Variants in ITPK1 observed in about 807,000 individuals in gnomAD.
ITPK1 encodes inositol-tetrakisphosphate 1-kinase, also known as inositol 1,3,4-trisphosphate 5/6-kinase.
In ITPK1, 21 loss-of-function variants were observed where a neutral mutation model predicts 45.3. The observed-to-expected ratio is 0.46, with a 90% CI of 0.33 to 0.67. The LOEUF is 0.67. ITPK1 is among the 30% of genes least tolerant of loss of function. The probability of loss-of-function intolerance (pLI) is 0.02; values close to 1 mark genes in which losing one functional copy is unlikely to be tolerated. For missense variants in ITPK1, 474 were observed against 573.5 expected, an observed-to-expected ratio of 0.83 and a Z score of 1.77; for synonymous variants, 258 against 253.6, an observed-to-expected ratio of 1.02 and a Z score of -0.16.
chr14:93,050,363 T>C (rs1232701466), intron 3 of ITPK1, among the ~76,000 whole-genome samples: 1 of 152,044 alleles, frequency 6.6e-6, no homozygotes, highest in Admixed American at 6.5e-5. Flanking sequence ...CCCCCGAATA[T>C]GTCCTGTCTA....
At chr14:93,059,828 A>C (rs1173228550) in intron 3 of ITPK1, among the ~76,000 whole-genome samples, 1 of 51,918 alleles carries the variant, frequency 1.9e-5, no homozygotes, top group Admixed American at 2.7e-4. Context: ...GCAGGGGTGG[A>C]GGGGGTGAGG....
intron 2 of ITPK1, among the ~76,000 whole-genome samples, chr14:93,090,336 T>C (rs1891818233): frequency 6.6e-6 from 1 of 151,990 alleles, no homozygotes; most frequent in African/African-American, 2.4e-5. Flanking sequence ...CCTCGCACCA[T>C]CCTCTCAGAG....
Position 93,056,359 on chromosome 14 carries a change from T to C in ITPK1, c.120+20236A>G, listed in dbSNP as rs537342959. Among the ~76,000 whole-genome samples, 637 of 152,282 alleles carry C rather than the reference T, an allele frequency of 4.2e-3. 2 individuals carry two copies. Among genetic ancestry groups the C allele is most frequent in the African/African-American group, 0.014 (580 of 41,558 alleles). On this transcript the variant is annotated intron_variant, in intron 3 of 10. Transcript: ENST00000267615. ...TGTGAGGGCTTCTGCAGCTTACCCA[T>C]GCTGAGAAGGTGCCTGAAAGCTTGG...
intron 3 of ITPK1, among the ~76,000 whole-genome samples, chr14:93,026,505 T>C (rs1220625663): frequency 6.6e-6 from 1 of 152,196 alleles, no homozygotes; most frequent in African/African-American, 2.4e-5. Flanking sequence ...TAACAGACTG[T>C]ATCGGCCAGG....
intron 5 of ITPK1, among the ~76,000 whole-genome samples, chr14:92,982,295 T>C (rs748949876): frequency 1.2e-4 from 18 of 152,216 alleles, no homozygotes; most frequent in Non-Finnish European, 5.9e-5. Flanking sequence ...TTCTGTTGCA[T>C]TGCTGCCCTC....
intron 2 of ITPK1, among the ~76,000 whole-genome samples, chr14:93,079,423 G>A (rs138851068): frequency 1.5e-3 from 226 of 152,338 alleles, no homozygotes; most frequent in Non-Finnish European, 2.8e-3. Flanking sequence ...AGAGCAGGCC[G>A]AGGCCTGGGA....
At chr14:93,039,866 T>C (rs1420515092) in intron 3 of ITPK1, among the ~76,000 whole-genome samples, 3 of 152,266 alleles carry the variant, frequency 2.0e-5, no homozygotes, top group East Asian at 1.9e-4. Flanking sequence ...AGGGGACAAA[T>C]GACACCTTTG....
chr14:92,977,563 G>A (rs1449193232), intron 5 of ITPK1, among the ~76,000 whole-genome samples: 2 of 149,556 alleles, frequency 1.3e-5, no homozygotes, highest in Non-Finnish European at 2.9e-5. Flanking sequence ...AGGACCTGGT[G>A]AAAGGTGACT....
chr14:93,099,400 T>C (rs1422234174), intron 2 of ITPK1, among the ~76,000 whole-genome samples: 1 of 152,090 alleles, frequency 6.6e-6, no homozygotes, highest in Admixed American at 6.5e-5. Flanking sequence ...ATTGTTTAGC[T>C]CCAGAACACA....
At chr14:93,098,831 C>T (rs374677069) in intron 2 of ITPK1, among the ~76,000 whole-genome samples, 71 of 152,272 alleles carry the variant, frequency 4.7e-4, no homozygotes, top group African/African-American at 1.6e-3. Context: ...CCCATGCAGC[C>T]GCCTCTGAAA....
chr14:93,099,261 C>T (rs1892214154), intron 2 of ITPK1, among the ~76,000 whole-genome samples: 1 of 152,154 alleles, frequency 6.6e-6, no homozygotes, highest in African/African-American at 2.4e-5. Context: ...CGACAACCCC[C>T]AGCCACTAGT....
chr14:93,017,151 A>C (rs1206998393), intron 3 of ITPK1, among the ~76,000 whole-genome samples: 2 of 152,220 alleles, frequency 1.3e-5, no homozygotes, highest in African/African-American at 4.8e-5. Context: ...ATGGCTTTAC[A>C]GAGAAAGGCT....
At chr14:93,052,984 G>A (rs1890078735) in intron 3 of ITPK1, among the ~76,000 whole-genome samples, 2 of 147,556 alleles carry the variant, frequency 1.4e-5, no homozygotes, top group Non-Finnish European at 3.0e-5. Flanking sequence ...GTGGGGGGAG[G>A]GGGGAAGGGG....
chr14:92,994,721 T>G (rs531498081), intron 4 of ITPK1, among the ~76,000 whole-genome samples: 1 of 152,172 alleles, frequency 6.6e-6, no homozygotes, highest in Non-Finnish European at 1.5e-5. Flanking sequence ...TCCATGATTC[T>G]AAGGACAAAA....
chr14:93,081,072 G>A (rs1429743874), intron 2 of ITPK1, among the ~76,000 whole-genome samples: 3 of 149,516 alleles, frequency 2.0e-5, no homozygotes, highest in African/African-American at 4.9e-5. Context: ...GCTCACGCCT[G>A]TAATCCCAGC....
At chr14:93,041,876 C>A (rs1345575969) in intron 3 of ITPK1, among the ~76,000 whole-genome samples, 1 of 152,170 alleles carries the variant, frequency 6.6e-6, no homozygotes, top group African/African-American at 2.4e-5. Context: ...GGTTCAGATG[C>A]TAGGAACTCC....
intron 3 of ITPK1, among the ~76,000 whole-genome samples, chr14:93,029,461 G>A (rs1179868381): frequency 6.6e-6 from 1 of 152,060 alleles, no homozygotes; most frequent in Non-Finnish European, 1.5e-5. Flanking sequence ...AGCAGGGTAA[G>A]AAAAATAAAG....
intron 2 of ITPK1, among the ~76,000 whole-genome samples, chr14:93,094,054 G>A (rs949714756): frequency 2.8e-4 from 42 of 152,212 alleles, no homozygotes; most frequent in African/African-American, 8.9e-4. Flanking sequence ...CACCGCTCCC[G>A]GGAGAAGGGA....
chr14:93,086,008 G>C, intron 2 of ITPK1, among the ~76,000 whole-genome samples: 1 of 151,598 alleles, frequency 6.6e-6, no homozygotes, highest in East Asian at 1.9e-4. Context: ...CCGTCAGCCA[G>C]CCAGCCTCAG....
Sources: gnomAD v4.1 joint callset for allele counts (sites outside exome capture counted in the v4.1 genomes callset) on GRCh38, gnomAD v4.1.1 for gene constraint, MANE v1.5 for transcripts, NCBI Gene and HGNC (gene_info 2026-07-23, HGNC 2026-07-21) for gene names.